CCDC6: variants seen among roughly 807,000 people sequenced by gnomAD.
CCDC6 encodes the protein coiled-coil domain containing 6, also known as coiled-coil domain-containing protein 6.
In CCDC6, 20 loss-of-function variants were observed where a neutral mutation model predicts 56.6. That is an observed-to-expected ratio of 0.35 (90% CI 0.25 to 0.51). The LOEUF (loss-of-function observed/expected upper bound fraction) is 0.51, where lower values mean the gene tolerates loss of function less well. Ranked by LOEUF, CCDC6 falls within the 20% of genes least tolerant of loss-of-function variation. The probability of loss-of-function intolerance (pLI) is 0.95; values close to 1 mark genes in which losing one functional copy is unlikely to be tolerated. For synonymous variants in CCDC6, 241 were observed against 234.4 expected, an observed-to-expected ratio of 1.03 and a Z score of -0.26; for missense variants, 367 against 601.1, an observed-to-expected ratio of 0.61 and a Z score of 4.07.
intron 1 of CCDC6, among the ~76,000 whole-genome samples, chr10:59,867,165 T>C (rs1368823139): frequency 6.6e-6 from 1 of 152,164 alleles, no homozygotes; most frequent in Admixed American, 6.5e-5. Context: ...GAATGTGTGT[T>C]CTGAGATAGG....
rs145981056 is a variant in CCDC6, at chr10:59,871,617, G to A, written c.304-18915C>T. Among the ~76,000 whole-genome samples, 1,223 of 152,182 alleles carry A rather than the reference G, an allele frequency of 8.0e-3. 13 individuals are homozygous for A. Among genetic ancestry groups the A allele is most frequent in the African/African-American group, 0.028 (1,143 of 41,520 alleles). On this transcript the variant is annotated intron_variant, in intron 1 of 8. Coordinates refer to ENST00000263102, the MANE Select transcript of CCDC6 (RefSeq NM_005436.5). ...CCTGGAGCAGATAAAAAGATACAGC[G>A]CTAGCTAATCAGGAGACCTTAGCCC...
At chr10:59,866,462 A>G (rs901320356) in intron 1 of CCDC6, among the ~76,000 whole-genome samples, 5 of 152,208 alleles carry the variant, frequency 3.3e-5, no homozygotes, top group African/African-American at 1.2e-4. Context: ...AAACATACAG[A>G]AATATACCAG....
chr10:59,853,174 T>C (rs1373438300), intron 1 of CCDC6, among the ~76,000 whole-genome samples: 1 of 152,186 alleles, frequency 6.6e-6, no homozygotes, highest in Non-Finnish European at 1.5e-5. Context: ...CACTTAAAAG[T>C]AGAATTATAT....
At chr10:59,874,189 A>C (rs1340262914) in intron 1 of CCDC6, among the ~76,000 whole-genome samples, 1 of 151,916 alleles carries the variant, frequency 6.6e-6, no homozygotes, top group Non-Finnish European at 1.5e-5. Context: ...GGCACAGGGA[A>C]TATAATAAAA....
intron 5 of CCDC6, among the ~76,000 whole-genome samples, chr10:59,810,688 ATATT>A (rs1386617085): frequency 6.6e-6 from 1 of 152,124 alleles, no homozygotes; most frequent in Non-Finnish European, 1.5e-5. Flanking sequence ...ACTTATATAT[ATATT>A]TTTTTAATAT....
At chr10:59,865,325 G>T (rs2071167698) in intron 1 of CCDC6, among the ~76,000 whole-genome samples, 1 of 152,142 alleles carries the variant, frequency 6.6e-6, no homozygotes. Context: ...ATCAACAGGG[G>T]GAGCTCTGTG....
intron 8 of CCDC6, among the ~76,000 whole-genome samples, chr10:59,793,774 G>GA (rs11421511): frequency 0.84 from 120,892 of 143,976 alleles, 51,592 homozygotes; most frequent in South Asian, 0.94. Context: ...ACAGAGTGAG[G>GA]AAAAAAAAAA....
At chr10:59,849,394 G>T (rs953813719) in intron 2 of CCDC6, among the ~76,000 whole-genome samples, 4 of 152,120 alleles carry the variant, frequency 2.6e-5, no homozygotes, top group African/African-American at 7.2e-5. Context: ...CTCCCAAACT[G>T]GATCTTTTAA....
At chr10:59,843,087 C>A (rs377383449) in intron 2 of CCDC6, among the ~76,000 whole-genome samples, 4 of 152,024 alleles carry the variant, frequency 2.6e-5, no homozygotes, top group Non-Finnish European at 5.9e-5. Context: ...GGGGTTTCAC[C>A]GTGTTAGCCA....
chr10:59,805,525 A>G (rs969074200), intron 6 of CCDC6: 3 of 152,226 alleles, frequency 2.0e-5, no homozygotes, highest in Admixed American at 6.5e-5. Context: ...GTCAAAAGAC[A>G]TATTTCCTTA....
intron 7 of CCDC6, among the ~76,000 whole-genome samples, chr10:59,800,066 T>C (rs1391320058): frequency 6.6e-6 from 1 of 152,230 alleles, no homozygotes; most frequent in African/African-American, 2.4e-5. Context: ...TTATAAAAAT[T>C]ATAACTTTTT....
At position 59,791,988 on chromosome 10, in the gene CCDC6, G is replaced by A. The variant is rs1431130532; in HGVS notation, c.*929C>T. The A allele has an allele frequency of 4.5e-6, 1 of 221,490 alleles. No homozygotes were observed. The highest frequency in any genetic ancestry group is 2.2e-5 in the African/African-American group (1 of 44,702). 13.7% of individuals were successfully genotyped at this position (221,490 alleles called of 1,614,324 possible). On this transcript the variant is annotated 3_prime_UTR_variant, in exon 9 of 9. Coordinates refer to ENST00000263102, the MANE Select transcript of CCDC6 (RefSeq NM_005436.5). ...CCATTTCAAATAGTATTTTCTAATG[G>A]TATTTTGCACCTTTAAAATATTTGT...
At chr10:59,815,413 A>G (rs2070703095) in intron 3 of CCDC6, among the ~76,000 whole-genome samples, 1 of 152,182 alleles carries the variant, frequency 6.6e-6, no homozygotes, top group Non-Finnish European at 1.5e-5. Context: ...CAATTAATCA[A>G]TATTGAGCAA....
rs556827752 is a variant in CCDC6 at position 59,835,409 on chromosome 10, AT to A, written c.454-2757del. On this transcript the variant is annotated intron_variant, in intron 2 of 8. Coordinates refer to ENST00000263102, the MANE Select transcript of CCDC6 (RefSeq NM_005436.5). ...TTAGGTACTTCCTTTAAGACTATAG[AT>A]TGAACTAGTAACAAAGCCTAACAGA... Among the ~76,000 whole-genome samples, 178 of 152,326 alleles carry A rather than the reference AT, an allele frequency of 1.2e-3. 1 individual carries two copies. The highest frequency in any genetic ancestry group is 4.2e-3 in the African/African-American group (175 of 41,574).
At chr10:59,852,528 T>C (rs753199025) in intron 2 of CCDC6, 25 bp downstream of exon 2, 4 of 1,546,824 alleles carry the variant, frequency 2.6e-6, no homozygotes, top group South Asian at 2.5e-5. Flanking sequence ...GCAGGGAAGA[T>C]GAGGGAGTAG....
At chr10:59,851,131 G>GAAAA (rs372606692) in intron 2 of CCDC6, among the ~76,000 whole-genome samples, 4 of 46,720 alleles carry the variant, frequency 8.6e-5, no homozygotes, top group African/African-American at 8.2e-5. Flanking sequence ...CATGTAAATT[G>GAAAA]AAAAAAAAAA....
intron 1 of CCDC6, among the ~76,000 whole-genome samples, chr10:59,895,616 G>T (rs989393984): frequency 3.3e-5 from 5 of 152,318 alleles, no homozygotes; most frequent in South Asian, 4.1e-4. Context: ...AACACAAAAA[G>T]ATTTGGAAGT....
At chr10:59,849,919 T>A (rs541016842) in intron 2 of CCDC6, among the ~76,000 whole-genome samples, 2 of 152,330 alleles carry the variant, frequency 1.3e-5, no homozygotes, top group Admixed American at 1.3e-4. Flanking sequence ...AAAGACTGGT[T>A]GAACCTATTA....
intron 3 of CCDC6, among the ~76,000 whole-genome samples, chr10:59,824,073 T>C (rs559960146): frequency 2.6e-5 from 4 of 152,208 alleles, no homozygotes; most frequent in African/African-American, 4.8e-5. Flanking sequence ...TCTGTACAAG[T>C]TGACCTATAT....
Sources: allele counts gnomAD v4.1 joint callset (sites outside exome capture counted in the v4.1 genomes callset), GRCh38; gene constraint gnomAD v4.1.1; transcripts MANE v1.5; gene names NCBI Gene and HGNC (gene_info 2026-07-23, HGNC 2026-07-21).